Variants in FOXP1 observed in about 807,000 individuals in gnomAD.
FOXP1 encodes the protein forkhead box P1, also known as forkhead box protein P1.
In FOXP1, 15 loss-of-function variants were observed where a neutral mutation model predicts 98.2. That is an observed-to-expected ratio of 0.15 (90% CI 0.10 to 0.24). The LOEUF (loss-of-function observed/expected upper bound fraction) is 0.24. Among genes scored for constraint, FOXP1 ranks in the 10% least tolerant of loss-of-function variants. The pLI, the probability that FOXP1 is intolerant of heterozygous loss-of-function variation, is 1.00. For synonymous variants in FOXP1, 371 were observed against 314.5 expected (o/e 1.18, Z -1.90); for missense variants, 633 against 848.5 (o/e 0.75, Z 3.15).
Position 71,384,217 on chromosome 3 carries a change from A to AAAAC in FOXP1, c.-167-24977_-167-24974dup, listed in dbSNP as rs57270594. Among the ~76,000 whole-genome samples, 643 of 152,200 alleles carry AAAAC rather than the reference A, an allele frequency of 4.2e-3. 4 individuals carry two copies. Among genetic ancestry groups the AAAAC allele is most frequent in the African/African-American group, 0.013 (554 of 41,498 alleles). Reference sequence around the variant, plus strand: ...CAACAGAGTGGGACTCCGTCTCAGCAAAACAAACAAACAAACAAACAAACA... The same window carrying AAAAC: ...CAACAGAGTGGGACTCCGTCTCAGCAAAACAAACAAACAAACAAACAAACAAACA... On this transcript the variant is annotated intron_variant, in intron 3 of 20. Transcript: ENST00000649528.
intron 3 of FOXP1, among the ~76,000 whole-genome samples, chr3:71,466,582 G>A (rs1007247176): frequency 5.3e-4 from 80 of 152,156 alleles, no homozygotes; most frequent in Middle Eastern, 3.2e-3. Flanking sequence ...TGTTTTCAGC[G>A]GAATTTTTTT....
chr3:71,118,220 T>C (rs532587518), intron 6 of FOXP1, among the ~76,000 whole-genome samples: 6 of 152,308 alleles, frequency 3.9e-5, no homozygotes, highest in African/African-American at 1.2e-4. Context: ...TGACACACCT[T>C]CCATTCTATT....
intron 4 of FOXP1, among the ~76,000 whole-genome samples, 178 bp downstream of exon 4, chr3:71,358,972 C>A (rs1335259377): frequency 1.3e-5 from 2 of 152,136 alleles, no homozygotes; most frequent in Non-Finnish European, 2.9e-5. Context: ...TTCTTGAAAA[C>A]CATAAAGCTA....
At position 70,958,918 on chromosome 3, in the gene FOXP1, C is replaced by G; in HGVS notation, c.*329G>C. The G allele has an allele frequency of 4.7e-6, 2 of 424,976 alleles. No homozygotes were observed. The highest frequency in any genetic ancestry group is 4.6e-5 in the South Asian group (2 of 43,660). 26.3% of individuals were successfully genotyped at this position (424,976 alleles called of 1,614,324 possible). On this transcript the variant is annotated 3_prime_UTR_variant, in exon 21 of 21. Transcript: ENST00000649528. ...GTCCAACGTTGGCAGGACTGCAGTT[C>G]AAAGTCTGCTGCTAAAAGTGAATCA...
chr3:71,543,328 G>A (rs2045037946), intron 2 of FOXP1: 1 of 152,176 alleles, frequency 6.6e-6, no homozygotes, highest in African/African-American at 2.4e-5. Flanking sequence ...AGAAACTGCT[G>A]TCAGCCAAAT....
chr3:71,252,967 C>A (rs899384312), intron 5 of FOXP1, among the ~76,000 whole-genome samples: 1 of 152,184 alleles, frequency 6.6e-6, no homozygotes, highest in Non-Finnish European at 1.5e-5. Flanking sequence ...GCAATGGCCC[C>A]AGATGCTGCC....
chr3:71,365,306 C>T (rs2078841823), intron 3 of FOXP1, among the ~76,000 whole-genome samples: 1 of 152,106 alleles, frequency 6.6e-6, no homozygotes, highest in Non-Finnish European at 1.5e-5. Flanking sequence ...TGAGTGCTGG[C>T]AGGCTCAGCT....
intron 6 of FOXP1, among the ~76,000 whole-genome samples, chr3:71,182,043 GAAAA>G (rs959874069): frequency 7.1e-6 from 1 of 140,366 alleles, no homozygotes; most frequent in Non-Finnish European, 1.5e-5. Context: ...TCAAAAAAAA[GAAAA>G]AAAAGAAAAA....
chr3:71,582,513 C>T, intron 1 of FOXP1: 1 of 985,474 alleles, frequency 1.0e-6, no homozygotes, highest in Non-Finnish European at 1.2e-6. Flanking sequence ...GACGGAGAGC[C>T]ATCGGCCGCC....
At chr3:71,302,089 A>T (rs1361812978) in intron 4 of FOXP1, among the ~76,000 whole-genome samples, 1 of 152,222 alleles carries the variant, frequency 6.6e-6, no homozygotes, top group East Asian at 1.9e-4. Flanking sequence ...TTTGGTGCAC[A>T]TGCACGATTG....
intron 6 of FOXP1, among the ~76,000 whole-genome samples, chr3:71,122,309 A>G (rs923164206): frequency 6.6e-6 from 1 of 152,332 alleles, no homozygotes; most frequent in East Asian, 1.9e-4. Flanking sequence ...TTTAGAGGCA[A>G]CATTCCAGCA....
At chr3:71,397,458 T>C (rs537738955) in intron 3 of FOXP1, among the ~76,000 whole-genome samples, 2 of 152,360 alleles carry the variant, frequency 1.3e-5, no homozygotes, top group Admixed American at 1.3e-4. Context: ...CTTTGGATTG[T>C]TCAACAAATA....
intron 11 of FOXP1, among the ~76,000 whole-genome samples, chr3:71,029,172 A>C (rs527256252): frequency 6.6e-6 from 1 of 152,308 alleles, no homozygotes; most frequent in South Asian, 2.1e-4. Flanking sequence ...TTGACCTTTG[A>C]CATCTCATTA....
At chr3:71,572,360 T>C (rs2047400673) in intron 2 of FOXP1, 1 of 152,244 alleles carries the variant, frequency 6.6e-6, no homozygotes, top group African/African-American at 2.4e-5. Flanking sequence ...CTTATGAATC[T>C]GAAATTTTCA....
chr3:71,536,791 A>G (rs2044330651), intron 2 of FOXP1, among the ~76,000 whole-genome samples: 1 of 152,154 alleles, frequency 6.6e-6, no homozygotes, highest in Non-Finnish European at 1.5e-5. Context: ...CCATGATGCA[A>G]ATCCAACATG....
chr3:71,440,501 C>G lies in FOXP1; in HGVS notation c.-168+52925G>C, dbSNP rs187367026. On this transcript the variant is annotated intron_variant, in intron 3 of 20. Coordinates refer to ENST00000649528, the MANE Select transcript of FOXP1 (RefSeq NM_001349338.3). ...GACCAGCCTGGCTGATATGGTGAAA[C>G]CCCGTCTCTACTAAAAATACAAGAA... is the stretch of plus-strand genomic sequence containing the variant. 2.8e-3 allele frequency among the ~76,000 whole-genome samples: 430 copies of G among 152,182 alleles called. 3 individuals are homozygous for G. Among genetic ancestry groups the G allele is most frequent in the African/African-American group, 0.01 (419 of 41,528 alleles).
At chr3:71,490,057 T>A (rs909864208) in intron 3 of FOXP1, among the ~76,000 whole-genome samples, 5 of 152,200 alleles carry the variant, frequency 3.3e-5, no homozygotes, top group Non-Finnish European at 7.3e-5. Context: ...TTCAATAAAC[T>A]GTAAAGTTCT....
Position 71,500,149 on chromosome 3 carries a change from T to C in FOXP1, c.-297-6594A>G, listed in dbSNP as rs539474422. On this transcript the variant is annotated intron_variant, in intron 2 of 20. Transcript: ENST00000649528. ...ATTCCTTTTATTAATCTTCCACTAG[T>C]AAGGTTTCTTTCAACTCACCAGAGG... is the stretch of plus-strand genomic sequence containing the variant. 6.6e-5 allele frequency among the ~76,000 whole-genome samples: 10 copies of C among 152,344 alleles called. No individual in the cohort carries two copies. The East Asian group carries it at 1.7e-3, about 26-fold the overall frequency.
Position 71,046,945 on chromosome 3 carries a change from G to C in FOXP1, c.661C>G (p.Gln221Glu). Residue 221 changes from glutamine to glutamate, a missense_variant, in exon 10 of 21, where the codon CAA (glutamine) becomes GAA (glutamate). Physicochemically the swap from Gln to Glu is conservative, Grantham distance 29 (BLOSUM62 2). This residue lies in a region of FOXP1 where 210 missense variants were observed against 270.6 expected (regional missense o/e 0.78). Transcript: ENST00000649528. ...CTTCTGTAAAATCAACGCATACCTT[G>C]AGCAAGAGGTTGAAGGGGAAGGGCA... ...QPALPLQPLA[Q>E]GMIPTELQQL... The C allele has an allele frequency of 6.2e-7, 1 of 1,613,996 alleles. No individual in the cohort carries two copies. The highest frequency in any genetic ancestry group is 8.5e-7 in the Non-Finnish European group (1 of 1,179,938).
Sources: allele counts gnomAD v4.1 joint callset (sites outside exome capture counted in the v4.1 genomes callset), GRCh38; gene constraint gnomAD v4.1.1; regional missense constraint gnomAD v4.1.1; transcripts MANE v1.5; gene names NCBI Gene and HGNC (gene_info 2026-07-23, HGNC 2026-07-21).